PKHD1: variants seen among roughly 807,000 people sequenced by gnomAD.
PKHD1 encodes the protein PKHD1 ciliary IPT domain containing fibrocystin/polyductin.
In PKHD1, 291 loss-of-function variants were observed where a neutral mutation model predicts 412.0. That is an observed-to-expected ratio of 0.71 (90% CI 0.64 to 0.78). The LOEUF (loss-of-function observed/expected upper bound fraction) is 0.78, where lower values mean the gene tolerates loss of function less well. Among genes scored for constraint, PKHD1 ranks in the 30% least tolerant of loss-of-function variants. The probability of loss-of-function intolerance (pLI) is 0.00; values close to 1 mark genes in which losing one functional copy is unlikely to be tolerated. For synonymous variants in PKHD1, 1,777 were observed against 1,821.5 expected (o/e 0.98, Z 0.62); for missense variants, 4,825 against 4,950.7 (o/e 0.97, Z 0.76).
At chr6:51,690,303 CT>C (rs1466770728) in intron 60 of PKHD1, among the ~76,000 whole-genome samples, 1 of 126,570 alleles carries the variant, frequency 7.9e-6, no homozygotes, top group African/African-American at 2.9e-5. Context: ...AAAAAAAGAA[CT>C]AGGGAAAATT....
chr6:51,912,306 C>T, intron 38 of PKHD1, 60 bp downstream of exon 38: 3 of 1,040,106 alleles, frequency 2.9e-6, no homozygotes, highest in Non-Finnish European at 4.6e-6. Flanking sequence ...TGTCCAGACC[C>T]CAATACAGTT....
intron 1 of PKHD1, among the ~76,000 whole-genome samples, chr6:52,086,298 A>C (rs1812780961): frequency 6.6e-6 from 1 of 151,702 alleles, no homozygotes; most frequent in South Asian, 2.1e-4. Context: ...TTTTGTAGAG[A>C]CAGGTTTTCA....
chr6:51,840,609 A>G (rs1770011842), intron 50 of PKHD1, among the ~76,000 whole-genome samples: 1 of 152,184 alleles, frequency 6.6e-6, no homozygotes, highest in African/African-American at 2.4e-5. Context: ...CACAGCCTGA[A>G]TCTCTCAGGA....
rs764411713 is a variant in PKHD1, at chr6:51,909,428, T to C, written c.6537A>G (p.Gly2179=). ...CLYSMSEKML[G]SRDMGARVIV... ...TCACTCTGGCTCCCATATCCCTGGA[T>C]CCTAGCATCTTCTCACTCATGGAAT... The change falls in exon 40 of 67, where the codon GGA becomes GGG. Residue 2179 remains glycine, a synonymous_variant. Transcript: ENST00000371117. 1 of 1,613,482 alleles carries C rather than the reference T, an allele frequency of 6.2e-7. No homozygotes were observed. Among genetic ancestry groups the C allele is most frequent in the Non-Finnish European group, 8.5e-7 (1 of 1,179,612 alleles).
chr6:52,053,797 G>T (rs182405750), intron 20 of PKHD1, among the ~76,000 whole-genome samples: 3 of 152,082 alleles, frequency 2.0e-5, no homozygotes, highest in Non-Finnish European at 4.4e-5. Flanking sequence ...CCCCAACTAC[G>T]CTGTTCTACA....
chr6:51,632,577 T>C lies in PKHD1; in HGVS notation c.11653A>G (p.Ser3885Gly), dbSNP rs764346967. 3 of 1,613,036 alleles carry C rather than the reference T, an allele frequency of 1.9e-6. No individual in the cohort carries two copies. Among genetic ancestry groups the C allele is most frequent in the Non-Finnish European group, 2.5e-6 (3 of 1,179,410 alleles). The change falls in exon 65 of 67, where the codon AGC becomes GGC. Residue 3885 changes from serine (S) to glycine (G), a missense_variant. Physicochemically the swap from Ser to Gly is moderately conservative, Grantham distance 56. Coordinates refer to ENST00000371117, the MANE Select transcript of PKHD1 (RefSeq NM_138694.4). ...SCLVCCWLKR[S>G]KSRKTKPEEI... ...AAAAACTACATACTTCTGCTTTTGC[T>C]TCTTTTAAGCCAACAGCACACCAGA...
At chr6:51,920,288 T>G (rs1223664121) in intron 37 of PKHD1, among the ~76,000 whole-genome samples, 2 of 152,256 alleles carry the variant, frequency 1.3e-5, no homozygotes, top group Non-Finnish European at 2.9e-5. Flanking sequence ...CTTATGAGTT[T>G]GACATACATC....
chr6:51,729,108 A>G (rs990776058), intron 60 of PKHD1, among the ~76,000 whole-genome samples: 6 of 152,370 alleles, frequency 3.9e-5, no homozygotes, highest in Admixed American at 3.3e-4. Flanking sequence ...CCCAAAAGGG[A>G]AGAGATTATT....
Position 52,010,163 on chromosome 6 carries a change from G to C in PKHD1, c.5751+146C>G, listed in dbSNP as rs186167970. On this transcript the variant is annotated intron_variant, in intron 35 of 66. Coordinates refer to ENST00000371117, the MANE Select transcript of PKHD1 (RefSeq NM_138694.4). ...AGAGTTAACTATGAATTCAGATATTGTGCATTAGACCAGCTTCTCAAAGTT... is the reference window on the plus strand; with the variant it reads ...AGAGTTAACTATGAATTCAGATATTCTGCATTAGACCAGCTTCTCAAAGTT... The C allele has an allele frequency of 4.3e-5, 30 of 691,914 alleles. No individual in the cohort carries two copies. In the African/African-American group the frequency reaches 4.8e-4, roughly 11 times the overall value. 42.9% of individuals were successfully genotyped at this position (691,914 alleles called of 1,614,324 possible).
chr6:52,075,702 A>C (rs528085339), intron 6 of PKHD1, among the ~76,000 whole-genome samples: 5 of 152,166 alleles, frequency 3.3e-5, no homozygotes, highest in Non-Finnish European at 5.9e-5. Flanking sequence ...GTGGCATCCA[A>C]TGCTGCTCAA....
At chr6:52,001,528 C>T (rs1798392408) in intron 35 of PKHD1, among the ~76,000 whole-genome samples, 1 of 151,228 alleles carries the variant, frequency 6.6e-6, no homozygotes. Context: ...CTCCCGGGTT[C>T]ACGTCATTCT....
chr6:51,665,095 C>A (rs914870108), intron 60 of PKHD1, among the ~76,000 whole-genome samples: 6 of 151,944 alleles, frequency 3.9e-5, no homozygotes, highest in African/African-American at 2.4e-5. Context: ...AAACATACAA[C>A]GAACAAGATA....
intron 60 of PKHD1, among the ~76,000 whole-genome samples, chr6:51,711,951 C>G (rs573881632): frequency 1.3e-5 from 2 of 152,282 alleles, no homozygotes; most frequent in South Asian, 2.1e-4. Context: ...ATGCCTGGAA[C>G]TAGCCAAAAA....
At chr6:51,896,285 C>T (rs1218916777) in intron 43 of PKHD1, among the ~76,000 whole-genome samples, 2 of 151,812 alleles carry the variant, frequency 1.3e-5, no homozygotes, top group Non-Finnish European at 2.9e-5. Flanking sequence ...TTGAAGAGAG[C>T]AGTGGTTCTC....
intron 51 of PKHD1, among the ~76,000 whole-genome samples, chr6:51,832,661 T>C (rs763228535): frequency 4.8e-4 from 73 of 151,956 alleles, no homozygotes; most frequent in Admixed American, 4.2e-3. Context: ...AGCCCAGAGA[T>C]GAATTTGGCA....
chr6:51,748,155 T>C lies in PKHD1; in HGVS notation c.9461A>G (p.Asp3154Gly), dbSNP rs1477456222. The C allele has an allele frequency of 1.9e-6, 3 of 1,613,980 alleles. No homozygotes were observed. The highest frequency in any genetic ancestry group is 2.5e-6 in the Non-Finnish European group (3 of 1,179,982). ...CTCTACATGTAACATGGCACCATAG[T>C]CAAAGTTCTTGAAAGCCAAGAAGCC... ...ISGFLAFKNFDYGAMLHVENS... is the reference protein window; with the variant it reads ...ISGFLAFKNFGYGAMLHVENS... Residue 3154 changes from aspartate (D) to glycine (G), a missense_variant, in exon 58 of 67, where the codon GAC (aspartate) becomes GGC (glycine). By Grantham distance (94) the Asp-to-Gly change is moderately conservative. Transcript: ENST00000371117.
At chr6:51,692,670 C>G (rs537554758) in intron 60 of PKHD1, among the ~76,000 whole-genome samples, 1 of 152,156 alleles carries the variant, frequency 6.6e-6, no homozygotes, top group African/African-American at 2.4e-5. Flanking sequence ...CATCAACTGA[C>G]AGATGCATAA....
At position 52,044,983 on chromosome 6, in the gene PKHD1, C is replaced by A; in HGVS notation, c.2698G>T (p.Ala900Ser). ...GPIFGDMLAT[A>S]NQHTQVVVRV... is the part of the protein sequence containing the mutation. ...ACTCTCACCTGAGTATGCTGGTTGGCAGTAGCCAACATGTCTCCAAATATG... is the reference window on the plus strand; with the variant it reads ...ACTCTCACCTGAGTATGCTGGTTGGAAGTAGCCAACATGTCTCCAAATATG... The change falls in exon 25 of 67, where the codon GCC (alanine) becomes TCC (serine). Residue 900 changes from alanine (A) to serine (S), a missense_variant. By Grantham distance (99) the Ala-to-Ser change is moderately conservative. Transcript: ENST00000371117. 1 of 1,613,596 alleles carries A rather than the reference C, an allele frequency of 6.2e-7. No homozygotes were observed. The highest frequency in any genetic ancestry group is 1.7e-5 in the Admixed American group (1 of 60,016).
intron 12 of PKHD1, among the ~76,000 whole-genome samples, chr6:52,065,330 G>C (rs548305784): frequency 6.6e-6 from 1 of 151,848 alleles, no homozygotes; most frequent in Admixed American, 6.5e-5. Flanking sequence ...GGAGAAAAGA[G>C]AGAGTGCAGA....
Sources: gnomAD v4.1 joint callset for allele counts (sites outside exome capture counted in the v4.1 genomes callset) on GRCh38, gnomAD v4.1.1 for gene constraint, MANE v1.5 for transcripts, NCBI Gene and HGNC (gene_info 2026-07-23, HGNC 2026-07-21) for gene names.